SPTB: variants seen among roughly 807,000 people sequenced by gnomAD.
The protein encoded by SPTB is spectrin beta, erythrocytic.
In SPTB, 45 loss-of-function variants were observed where a neutral mutation model predicts 256.2. The observed-to-expected ratio is 0.18, with a 90% CI of 0.14 to 0.23. The LOEUF is 0.23. Among genes scored for constraint, SPTB ranks in the 10% least tolerant of loss-of-function variants. The probability of loss-of-function intolerance (pLI) is 1.00; values close to 1 mark genes in which losing one functional copy is unlikely to be tolerated. For missense variants in SPTB, 2,715 were observed against 3,040.4 expected, an observed-to-expected ratio of 0.89 and a Z score of 2.52; for synonymous variants, 1,231 against 1,243.1, an observed-to-expected ratio of 0.99 and a Z score of 0.21.
chr14:64,820,214 T>G (rs1251218202), intron 2 of SPTB, among the ~76,000 whole-genome samples: 1 of 152,178 alleles, frequency 6.6e-6, no homozygotes, highest in Non-Finnish European at 1.5e-5. Context: ...CTCCCTAATG[T>G]TTCTTTTGAA....
intron 29 of SPTB, 92 bp downstream of exon 29, chr14:64,768,942 A>G: frequency 9.7e-7 from 1 of 1,031,304 alleles, no homozygotes; most frequent in South Asian, 1.3e-5. Flanking sequence ...TCTAGGCAGT[A>G]GTGAAAATCC....
chr14:64,772,718 C>T lies in SPTB; in HGVS notation c.5415G>A (p.Thr1805=). The part of the protein sequence containing the change: ...ASYDLHRYFY[T]GAEILGLIDE... ...CGATGAGGCCCAGGATCTCGGCACC[C>T]GTGTAGAAGTAGCGGTGCAGGTCAT... is the stretch of plus-strand genomic sequence containing the variant. Residue 1805 remains threonine, a synonymous_variant, in exon 26 of 36, where the codon ACG becomes ACA. Transcript: ENST00000644917. The surrounding 1 kb of genome is among the most constrained non-coding windows in gnomAD (Gnocchi z 5.4). 1.2e-6 allele frequency: 2 copies of T among 1,613,910 alleles called. No individual in the cohort carries two copies. Among genetic ancestry groups the T allele is most frequent in the Non-Finnish European group, 1.7e-6 (2 of 1,180,014 alleles).
rs2082078995 is a variant in SPTB at position 64,760,577 on chromosome 14, T to C, written c.6345+6149A>G. On this transcript the variant is annotated intron_variant, in intron 32 of 35. Coordinates refer to ENST00000644917, the MANE Select transcript of SPTB (RefSeq NM_001355436.2). This position sits in a 1 kb window ranked among gnomAD's most constrained non-coding sequence, Gnocchi z 4.3. ...GGATGCACCCCAGAAACAGGCTGAC[T>C]GCAGCAACGGGATGCATCGTGCCAC... is the stretch of plus-strand genomic sequence containing the variant. 6.6e-6 allele frequency among the ~76,000 whole-genome samples: 1 copy of C among 152,226 alleles called. No homozygotes were observed. The highest frequency in any genetic ancestry group is 6.5e-5 in the Admixed American group (1 of 15,284).
At position 64,826,616 on chromosome 14, in the gene SPTB, G is replaced by A. The variant is rs2083380978; in HGVS notation, c.-51-3471C>T. On this transcript the variant is annotated intron_variant, in intron 1 of 35. Coordinates refer to ENST00000644917, the MANE Select transcript of SPTB (RefSeq NM_001355436.2). This position sits in a 1 kb window ranked among gnomAD's most constrained non-coding sequence, Gnocchi z 4.4. ...CCCATCAGTAAACCCAGGAAAAAAG[G>A]CATAAGTACTTCCTTGTCCATTCAT... Among the ~76,000 whole-genome samples, 1 of 152,122 alleles carries A rather than the reference G, an allele frequency of 6.6e-6. No individual in the cohort carries two copies. The highest frequency in any genetic ancestry group is 1.5e-5 in the Non-Finnish European group (1 of 68,014).
chr14:64,856,752 G>C (rs909875901), intron 1 of SPTB, among the ~76,000 whole-genome samples: 1 of 152,234 alleles, frequency 6.6e-6, no homozygotes, highest in African/African-American at 2.4e-5. Flanking sequence ...AGAAGGGCGG[G>C]AGTCCTCAAG....
Position 64,772,735 on chromosome 14 carries a change from G to C in SPTB, c.5398C>G (p.His1800Asp), listed in dbSNP as rs777877007. Residue 1800 changes from histidine to aspartate, a missense_variant, in exon 26 of 36, where the codon CAC (histidine) becomes GAC (aspartate). Physicochemically the swap from His to Asp is moderately conservative, Grantham distance 81 (BLOSUM62 -1). This residue lies in a region of SPTB where 2,239 missense variants were observed against 2,384.4 expected (regional missense o/e 0.94). Coordinates refer to ENST00000644917, the MANE Select transcript of SPTB (RefSeq NM_001355436.2). This position sits in a 1 kb window ranked among gnomAD's most constrained non-coding sequence, Gnocchi z 5.4. ...TCGGCACCCGTGTAGAAGTAGCGGT[G>C]CAGGTCATAGGAGGCGGCCAGCAGC... The part of the protein sequence containing the change: ...MQLLAASYDL[H>D]RYFYTGAEIL... 6.2e-7 allele frequency: 1 copy of C among 1,613,938 alleles called. No homozygotes were observed. The highest frequency in any genetic ancestry group is 2.2e-5 in the East Asian group (1 of 44,878).
chr14:64,767,931 A>G (rs2082216747), intron 29 of SPTB, 72 bp from the exon 30 acceptor site: 1 of 1,560,892 alleles, frequency 6.4e-7, no homozygotes, highest in East Asian at 2.3e-5. Context: ...TTCACTCCTG[A>G]TTGGGGCCAG....
At position 64,753,519 on chromosome 14, in the gene SPTB, AG is replaced by A. The variant is rs1490013397; in HGVS notation, c.6602+17del. 2.5e-6 allele frequency: 4 copies of A among 1,613,244 alleles called. No homozygotes were observed. The highest frequency in any genetic ancestry group is 3.4e-6 in the Non-Finnish European group (4 of 1,179,980). On this transcript the variant is annotated intron_variant, in intron 33 of 35. Coordinates refer to ENST00000644917, the MANE Select transcript of SPTB (RefSeq NM_001355436.2). ...GCTGCCCAACCTACCCTCAGCCAGC[AG>A]CCTCTCCCGCACTCACCTGTTGGAA...
chr14:64,785,961 C>G lies in SPTB; in HGVS notation c.3562-10G>C, dbSNP rs1566757831. ...GAGCCAGAGTGTATTCCTGTTGGAA[C>G]AAGTTTCCAGACAAGGCATGAAGAC... On this transcript the variant is annotated splice_polypyrimidine_tract_variant and intron_variant, in intron 16 of 35. Transcript: ENST00000644917. The surrounding 1 kb of genome is among the most constrained non-coding windows in gnomAD (Gnocchi z 4.4). The G allele has an allele frequency of 1.2e-6, 2 of 1,613,848 alleles. No homozygotes were observed. The highest frequency in any genetic ancestry group is 1.7e-5 in the Admixed American group (1 of 60,022).
At chr14:64,848,898 C>T (rs1463080664) in intron 1 of SPTB, among the ~76,000 whole-genome samples, 1 of 152,138 alleles carries the variant, frequency 6.6e-6, no homozygotes, top group African/African-American at 2.4e-5. Flanking sequence ...TTAATGAGCA[C>T]CTATGTGCAT....
At chr14:64,872,472 C>T (rs1033501913) in intron 1 of SPTB, among the ~76,000 whole-genome samples, 1 of 152,192 alleles carries the variant, frequency 6.6e-6, no homozygotes, top group African/African-American at 2.4e-5. Flanking sequence ...AAGTCACTCC[C>T]CTGCCCACAA....
rs985375064 is a variant in SPTB at position 64,749,940 on chromosome 14, A to T, written c.6776+41T>A. The T allele has an allele frequency of 6.2e-7, 1 of 1,613,904 alleles. No homozygotes were observed. On this transcript the variant is annotated intron_variant, in intron 34 of 35. Coordinates refer to ENST00000644917, the MANE Select transcript of SPTB (RefSeq NM_001355436.2). The surrounding 1 kb of genome is among the most constrained non-coding windows in gnomAD (Gnocchi z 4.7). ...TCTGCCCTGCCACTAATGCCAAATC[A>T]AGCCATCAACCCGAGCTTTCAAAGG...
Position 64,746,849 on chromosome 14 carries a change from G to A in SPTB, c.*2457C>T, listed in dbSNP as rs1477548121. ...TGTGGACTGGAGCTGTGTCAACCTC[G>A]TTTGGGAATACTGTCAAAAGACTGT... On this transcript the variant is annotated 3_prime_UTR_variant, in exon 36 of 36. Coordinates refer to ENST00000644917, the MANE Select transcript of SPTB (RefSeq NM_001355436.2). This position sits in a 1 kb window ranked among gnomAD's most constrained non-coding sequence, Gnocchi z 4.9. 2.6e-5 allele frequency: 4 copies of A among 151,950 alleles called. No individual in the cohort carries two copies. Among genetic ancestry groups the A allele is most frequent in the African/African-American group, 4.9e-5 (2 of 41,174 alleles). 9.4% of individuals were successfully genotyped at this position (151,950 alleles called of 1,614,324 possible).
intron 2 of SPTB, among the ~76,000 whole-genome samples, chr14:64,817,538 T>C (rs972665833): frequency 1.3e-5 from 2 of 152,248 alleles, no homozygotes; most frequent in African/African-American, 2.4e-5. Context: ...CATGGACAAC[T>C]GGTGCCTTGT....
At chr14:64,819,885 C>G (rs1377225171) in intron 2 of SPTB, among the ~76,000 whole-genome samples, 1 of 152,194 alleles carries the variant, frequency 6.6e-6, no homozygotes, top group Non-Finnish European at 1.5e-5. Flanking sequence ...ATAAAAACTT[C>G]CGTAAACTTT....
At position 64,791,862 on chromosome 14, in the gene SPTB, A is replaced by T; in HGVS notation, c.2667-6T>A. The T allele has an allele frequency of 6.2e-7, 1 of 1,614,174 alleles. No homozygotes were observed. Among genetic ancestry groups the T allele is most frequent in the Non-Finnish European group, 8.5e-7 (1 of 1,180,012 alleles). On this transcript the variant is annotated splice_polypyrimidine_tract_variant and splice_region_variant and intron_variant, in intron 14 of 35. Transcript: ENST00000644917. ...CCTGGTCCAGGATGTCGAACCTGAT[A>T]TGGGCAAAGGAAAATATGAGGATGG... is the stretch of plus-strand genomic sequence containing the variant.
At position 64,822,978 on chromosome 14, in the gene SPTB, G is replaced by A. The variant is rs147811055; in HGVS notation, c.117C>T (p.Leu39=). The A allele has an allele frequency of 1.2e-5, 20 of 1,613,942 alleles. No homozygotes were observed. In the African/African-American group the frequency reaches 1.9e-4, roughly 15 times the overall value. ...ELDNDNSSAR[L]FERSRIKALA... is the part of the protein sequence containing the mutation. Reference sequence around the variant, plus strand: ...AGGCCTTTATCCGGGACCTCTCAAAGAGCCTGGCTGAGCTGTTGTCATTAT... The same window carrying A: ...AGGCCTTTATCCGGGACCTCTCAAAAAGCCTGGCTGAGCTGTTGTCATTAT... Residue 39 remains leucine (L), a synonymous_variant, in exon 2 of 36, where the codon CTC becomes CTT. Coordinates refer to ENST00000644917, the MANE Select transcript of SPTB (RefSeq NM_001355436.2).
At chr14:64,846,327 A>G (rs1308363545) in intron 1 of SPTB, among the ~76,000 whole-genome samples, 1 of 152,252 alleles carries the variant, frequency 6.6e-6, no homozygotes, top group Non-Finnish European at 1.5e-5. Flanking sequence ...AAGACCCCAA[A>G]GCTGGGTTAT....
rs752631562 is a variant in SPTB at position 64,845,495 on chromosome 14, C to G, written c.-51-22350G>C. On this transcript the variant is annotated intron_variant, in intron 1 of 35. Coordinates refer to ENST00000644917, the MANE Select transcript of SPTB (RefSeq NM_001355436.2). The surrounding 1 kb of genome is among the most constrained non-coding windows in gnomAD (Gnocchi z 4.8). ...TCTCCATCAATTAGAAAAAGAGAAC[C>G]AAACTGGAATATGAGTGATGAATTC... Among the ~76,000 whole-genome samples, 4 of 152,166 alleles carry G rather than the reference C, an allele frequency of 2.6e-5. No individual in the cohort carries two copies. The highest frequency in any genetic ancestry group is 4.4e-5 in the Non-Finnish European group (3 of 68,036).
Sources: allele counts gnomAD v4.1 joint callset (sites outside exome capture counted in the v4.1 genomes callset), GRCh38; gene constraint gnomAD v4.1.1; regional missense constraint gnomAD v4.1.1; non-coding constraint Gnocchi (gnomAD v3.1); transcripts MANE v1.5; gene names NCBI Gene and HGNC (gene_info 2026-07-23, HGNC 2026-07-21).